The following DAB1 variants were observed in gnomAD, a reference collection of about 807,000 sequenced individuals.
DAB1 encodes DAB adaptor protein 1, also known as disabled homolog 1.
In DAB1, 15 loss-of-function variants were observed where a neutral mutation model predicts 64.6. That is an observed-to-expected ratio of 0.23 (90% CI 0.16 to 0.36). The LOEUF is 0.36. Among genes scored for constraint, DAB1 ranks in the 10% least tolerant of loss-of-function variants. The pLI is 1.00. For synonymous variants in DAB1, 235 were observed against 251.9 expected, an observed-to-expected ratio of 0.93 and a Z score of 0.64; for missense variants, 596 against 706.7, an observed-to-expected ratio of 0.84 and a Z score of 1.78.
chr1:57,362,758 T>C (rs1377453956), intron 1 of DAB1, among the ~76,000 whole-genome samples: 1 of 152,152 alleles, frequency 6.6e-6, no homozygotes, highest in East Asian at 1.9e-4. Context: ...ACTCAGTTTA[T>C]GGCATTTTGT....
intron 3 of DAB1, among the ~76,000 whole-genome samples, chr1:58,355,469 C>A (rs772384296): frequency 6.6e-6 from 1 of 152,168 alleles, no homozygotes; most frequent in African/African-American, 2.4e-5. Flanking sequence ...TTCTCTCAAG[C>A]GCTGATGAAT....
chr1:57,962,043 G>A (rs757336341), intron 5 of DAB1, among the ~76,000 whole-genome samples: 7 of 151,868 alleles, frequency 4.6e-5, no homozygotes, highest in Non-Finnish European at 7.4e-5. Context: ...AGAGAGTGGC[G>A]ATCTAAAGTC....
At position 58,489,130 on chromosome 1, in the gene DAB1, G is replaced by A. The variant is rs118164058; in HGVS notation, n.257+16930C>T. Among the ~76,000 whole-genome samples, 88 of 152,304 alleles carry A rather than the reference G, an allele frequency of 5.8e-4. No individual in the cohort carries two copies. In the East Asian group the frequency reaches 0.013, roughly 22 times the overall value. On this transcript the variant is annotated intron_variant and non_coding_transcript_variant, in intron 3 of 20. Coordinates refer to the DAB1 transcript ENST00000485760. ...CGGTGCAGCGCACCGAGCGTGAGCC[G>A]AAGTAGGGCAAGGCATCGTGTCACC...
At chr1:58,162,442 AT>A (rs1274179108) in intron 4 of DAB1, among the ~76,000 whole-genome samples, 10 of 151,458 alleles carry the variant, frequency 6.6e-5, no homozygotes, top group African/African-American at 2.4e-4. Context: ...ATCAGTTTTC[AT>A]TGTAAAATAA....
chr1:57,040,235 G>C (rs1209846218), intron 9 of DAB1, among the ~76,000 whole-genome samples: 1 of 152,094 alleles, frequency 6.6e-6, no homozygotes, highest in Non-Finnish European at 1.5e-5. Flanking sequence ...GCTGGTGTCA[G>C]CAGCAGTAGT....
chr1:58,133,454 T>C (rs1653761854), intron 5 of DAB1, among the ~76,000 whole-genome samples: 1 of 152,186 alleles, frequency 6.6e-6, no homozygotes, highest in African/African-American at 2.4e-5. Context: ...ATCTCTGTCA[T>C]AGGGTCTTAT....
rs116705101 is a variant in DAB1 at position 57,761,665 on chromosome 1, C to T, written n.552-112000G>A. On this transcript the variant is annotated intron_variant and non_coding_transcript_variant, in intron 6 of 20. Transcript: ENST00000485760. Reference sequence around the variant, plus strand: ...AGCAGCCCAGCTGCGAACATGACTGCCCAGGCAGAGGTATTTGATTGACAT... The same window carrying T: ...AGCAGCCCAGCTGCGAACATGACTGTCCAGGCAGAGGTATTTGATTGACAT... 5.9e-3 allele frequency among the ~76,000 whole-genome samples: 897 copies of T among 152,330 alleles called. 7 individuals carry two copies. Among genetic ancestry groups the T allele is most frequent in the African/African-American group, 0.02 (850 of 41,574 alleles).
At chr1:57,230,721 AATAT>A (rs1309364884) in intron 2 of DAB1, among the ~76,000 whole-genome samples, 1 of 152,166 alleles carries the variant, frequency 6.6e-6, no homozygotes, top group Non-Finnish European at 1.5e-5. Flanking sequence ...GGGAAACTGG[AATAT>A]ATATCACCTC....
intron 5 of DAB1, among the ~76,000 whole-genome samples, chr1:58,089,223 G>A (rs992602500): frequency 1.3e-5 from 2 of 152,166 alleles, no homozygotes; most frequent in Admixed American, 1.3e-4. Context: ...TGTAATTTTT[G>A]GGGGAAGACG....
intron 5 of DAB1, among the ~76,000 whole-genome samples, chr1:58,031,326 T>C (rs1460735358): frequency 6.6e-6 from 1 of 152,174 alleles, no homozygotes; most frequent in Non-Finnish European, 1.5e-5. Flanking sequence ...AAGATTTGCG[T>C]TCTTCAGTAG....
intron 6 of DAB1, among the ~76,000 whole-genome samples, chr1:57,651,215 A>T (rs897482327): frequency 2.0e-5 from 3 of 152,214 alleles, no homozygotes; most frequent in African/African-American, 4.8e-5. Flanking sequence ...ATATAATAAA[A>T]TATCACAGCC....
intron 1 of DAB1, among the ~76,000 whole-genome samples, chr1:57,420,440 G>T (rs946984628): frequency 2.0e-5 from 3 of 152,168 alleles, no homozygotes; most frequent in Non-Finnish European, 4.4e-5. Flanking sequence ...ACATCCTAGG[G>T]TTATCTGAAG....
At chr1:57,912,171 C>T (rs375683055) in intron 5 of DAB1, among the ~76,000 whole-genome samples, 4 of 152,170 alleles carry the variant, frequency 2.6e-5, no homozygotes, top group South Asian at 2.1e-4. Context: ...CTGTATGTCA[C>T]GTACTCACAG....
rs779114000 is a variant in DAB1, at chr1:58,100,206, C to T, written n.387+50305G>A. On this transcript the variant is annotated intron_variant and non_coding_transcript_variant, in intron 5 of 20. Coordinates refer to the DAB1 transcript ENST00000485760. ...TTCATATCCAGAACTTTTCCATCAT[C>T]CCAAACAGGAACTCTGTACTTATTA... Among the ~76,000 whole-genome samples, 34 of 152,198 alleles carry T rather than the reference C, an allele frequency of 2.2e-4. 1 individual carries two copies. Among genetic ancestry groups the T allele is most frequent in the Non-Finnish European group, 7.3e-5 (5 of 68,042 alleles).
chr1:57,083,235 C>T (rs566858247), intron 4 of DAB1, among the ~76,000 whole-genome samples: 18 of 152,310 alleles, frequency 1.2e-4, no homozygotes, highest in Admixed American at 3.3e-4. Flanking sequence ...TCACACAGCC[C>T]ATAAGGCAGA....
intron 4 of DAB1, among the ~76,000 whole-genome samples, chr1:58,212,395 G>A (rs1386869742): frequency 2.6e-5 from 4 of 152,212 alleles, no homozygotes; most frequent in African/African-American, 9.6e-5. Context: ...AGACCACACA[G>A]TTAGAGTCGA....
intron 7 of DAB1, among the ~76,000 whole-genome samples, chr1:57,637,483 A>G (rs1646071262): frequency 6.6e-6 from 1 of 152,140 alleles, no homozygotes; most frequent in Non-Finnish European, 1.5e-5. Context: ...AGGTGTGTGT[A>G]GGGGTAGCTG....
At chr1:58,479,357 G>A (rs1321487598) in intron 3 of DAB1, among the ~76,000 whole-genome samples, 1 of 152,166 alleles carries the variant, frequency 6.6e-6, no homozygotes, top group Non-Finnish European at 1.5e-5. Context: ...GTTGTCTCGT[G>A]TGCAGATCAG....
intron 6 of DAB1, among the ~76,000 whole-genome samples, chr1:57,763,760 G>C (rs1312729158): frequency 6.6e-6 from 1 of 152,156 alleles, no homozygotes; most frequent in Non-Finnish European, 1.5e-5. Context: ...AGGAAACTAG[G>C]AGTTGATTTC....
Sources: allele counts gnomAD v4.1 joint callset (sites outside exome capture counted in the v4.1 genomes callset), GRCh38; gene constraint gnomAD v4.1.1; transcripts MANE v1.5; gene names NCBI Gene and HGNC (gene_info 2026-07-23, HGNC 2026-07-21).